KCNAB1: variants seen among roughly 807,000 people sequenced by gnomAD.
KCNAB1 encodes the protein voltage-gated potassium channel subunit beta-1.
In KCNAB1, 35 loss-of-function variants were observed where a neutral mutation model predicts 64.6. The ratio of observed to expected loss-of-function variants is 0.54; its 90% confidence interval spans 0.41 to 0.72. KCNAB1 has a LOEUF of 0.72. KCNAB1 is among the 30% of genes least tolerant of loss of function. KCNAB1 has a pLI of 0.00. For synonymous variants in KCNAB1, 177 were observed against 183.8 expected, an observed-to-expected ratio of 0.96 and a Z score of 0.30; for missense variants, 401 against 512.9, an observed-to-expected ratio of 0.78 and a Z score of 2.11.
intron 11 of KCNAB1, 32 bp from the exon 12 acceptor site, chr3:156,523,795 C>T (rs1342854437): frequency 6.3e-7 from 1 of 1,586,910 alleles, no homozygotes; most frequent in African/African-American, 1.3e-5. Context: ...CTTTACCAGA[C>T]ATTAACATTT....
chr3:156,420,065 C>T (rs191505594), intron 1 of KCNAB1, among the ~76,000 whole-genome samples: 172 of 152,358 alleles, frequency 1.1e-3, no homozygotes, highest in Admixed American at 4.1e-3. Flanking sequence ...CTTTATGCAA[C>T]AGTTTTCTTC....
intron 1 of KCNAB1, among the ~76,000 whole-genome samples, chr3:156,419,408 G>A (rs1715316577): frequency 6.6e-6 from 1 of 151,878 alleles, no homozygotes; most frequent in Admixed American, 6.6e-5. Context: ...GGCTGAGGCA[G>A]GAGAGTGGCA....
chr3:156,518,461 GAAAGA>G (rs144279774), intron 11 of KCNAB1, among the ~76,000 whole-genome samples: 67 of 149,906 alleles, frequency 4.5e-4, no homozygotes, highest in African/African-American at 1.1e-3. Flanking sequence ...AAGAGAAAGA[GAAAGA>G]AAAGAAAAGA....
chr3:156,274,510 T>G (rs1282920730), intron 1 of KCNAB1, among the ~76,000 whole-genome samples: 5 of 151,364 alleles, frequency 3.3e-5, no homozygotes, highest in Non-Finnish European at 5.9e-5. Flanking sequence ...GGTAAGAACT[T>G]TTTTTTTTCT....
intron 1 of KCNAB1, among the ~76,000 whole-genome samples, chr3:156,180,298 C>CCAAG (rs1293270942): frequency 1.3e-5 from 2 of 152,152 alleles, no homozygotes; most frequent in Non-Finnish European, 2.9e-5. Context: ...AATGGTGGAG[C>CCAAG]CAAGCATGGA....
chr3:156,538,552 TTTGA>T lies in KCNAB1; in HGVS notation c.*1812_*1815del, dbSNP rs989866149. ...AGGTGCTGTCTAATGGGAAATGTGATTTGATTGATTTATTTGCTTAGAGTAATAA... is the reference window on the plus strand; with the variant it reads ...AGGTGCTGTCTAATGGGAAATGTGATTTGATTTATTTGCTTAGAGTAATAA... On this transcript the variant is annotated 3_prime_UTR_variant, in exon 14 of 14. Coordinates refer to ENST00000490337, the MANE Select transcript of KCNAB1 (RefSeq NM_172160.3). 4.6e-5 allele frequency: 7 copies of T among 152,214 alleles called. No homozygotes were observed. Among genetic ancestry groups the T allele is most frequent in the Admixed American group, 1.3e-4 (2 of 15,286 alleles). 9.4% of individuals were successfully genotyped at this position (152,214 alleles called of 1,614,324 possible).
chr3:156,418,675 T>G (rs1715264518), intron 1 of KCNAB1, among the ~76,000 whole-genome samples: 2 of 152,204 alleles, frequency 1.3e-5, no homozygotes. Context: ...TGGGAGTGCC[T>G]TAAGTGGTAC....
At chr3:156,238,741 G>A (rs1393198904) in intron 1 of KCNAB1, among the ~76,000 whole-genome samples, 1 of 152,104 alleles carries the variant, frequency 6.6e-6, no homozygotes, top group Admixed American at 6.6e-5. Context: ...TGCTTGTTGT[G>A]TCATTGATTC....
intron 1 of KCNAB1, among the ~76,000 whole-genome samples, chr3:156,184,110 G>A (rs1311044656): frequency 6.6e-6 from 1 of 152,168 alleles, no homozygotes; most frequent in African/African-American, 2.4e-5. Context: ...TACAAGTGGT[G>A]ATGTATTTAT....
intron 1 of KCNAB1, among the ~76,000 whole-genome samples, chr3:156,186,752 T>G (rs1713220465): frequency 6.6e-6 from 1 of 152,018 alleles, no homozygotes; most frequent in Non-Finnish European, 1.5e-5. Context: ...AAGGGAGAGG[T>G]TTCAGGCCTT....
intron 12 of KCNAB1, among the ~76,000 whole-genome samples, chr3:156,529,047 C>T (rs1033444803): frequency 6.6e-6 from 1 of 152,040 alleles, no homozygotes; most frequent in African/African-American, 2.4e-5. Flanking sequence ...TGAGTGAGGG[C>T]AGCAGTGACT....
At chr3:156,417,598 C>T (rs757125977) in intron 1 of KCNAB1, among the ~76,000 whole-genome samples, 1 of 152,114 alleles carries the variant, frequency 6.6e-6, no homozygotes, top group Non-Finnish European at 1.5e-5. Flanking sequence ...ATTTGGGTTA[C>T]GAATTTTCTG....
intron 1 of KCNAB1, among the ~76,000 whole-genome samples, chr3:156,222,363 C>CTA (rs1715832870): frequency 6.6e-6 from 1 of 152,014 alleles, no homozygotes; most frequent in African/African-American, 2.4e-5. Context: ...AGAACTAGTC[C>CTA]AACAAGAAAA....
chr3:156,341,537 G>A (rs1029320387), intron 1 of KCNAB1, among the ~76,000 whole-genome samples: 16 of 152,064 alleles, frequency 1.1e-4, no homozygotes, highest in Non-Finnish European at 1.5e-5. Flanking sequence ...AGCCCAATTG[G>A]CCTCCGAGCT....
intron 2 of KCNAB1, among the ~76,000 whole-genome samples, chr3:156,446,327 C>A (rs1711550982): frequency 6.6e-6 from 1 of 152,188 alleles, no homozygotes; most frequent in Non-Finnish European, 1.5e-5. Context: ...CTCCCACCTC[C>A]AGTTCCACTC....
chr3:156,533,154 A>G (rs952019845), intron 13 of KCNAB1, among the ~76,000 whole-genome samples: 9 of 152,186 alleles, frequency 5.9e-5, no homozygotes, highest in African/African-American at 2.2e-4. Flanking sequence ...TAGCAAAATG[A>G]TTTCAGGTTA....
intron 1 of KCNAB1, among the ~76,000 whole-genome samples, chr3:156,395,583 A>AAAAC (rs1713398446): frequency 7.1e-6 from 1 of 141,320 alleles, no homozygotes; most frequent in Non-Finnish European, 1.5e-5. Flanking sequence ...AAAAAAAAAA[A>AAAAC]AATCAGACAT....
At chr3:156,385,025 C>T (rs1443711263) in intron 1 of KCNAB1, among the ~76,000 whole-genome samples, 1 of 152,170 alleles carries the variant, frequency 6.6e-6, no homozygotes, top group Non-Finnish European at 1.5e-5. Context: ...GGACTTTTCT[C>T]CTAACCAACC....
chr3:156,200,866 A>T (rs1277709509), intron 1 of KCNAB1, among the ~76,000 whole-genome samples: 2 of 152,154 alleles, frequency 1.3e-5, no homozygotes, highest in Non-Finnish European at 2.9e-5. Flanking sequence ...AACCAACCAA[A>T]CATACAAACA....
Sources: allele counts gnomAD v4.1 joint callset (sites outside exome capture counted in the v4.1 genomes callset), GRCh38; gene constraint gnomAD v4.1.1; transcripts MANE v1.5; gene names NCBI Gene and HGNC (gene_info 2026-07-23, HGNC 2026-07-21).